Variants in ADPRHL1 observed in about 807,000 individuals in gnomAD.
ADPRHL1 encodes the protein inactive ADP-ribosyltransferase ARH2.
Under a neutral mutation model 44.1 loss-of-function variants are expected in ADPRHL1, and 43 were observed. The ratio of observed to expected loss-of-function variants is 0.98; its 90% CI spans 0.76 to 1.26. The LOEUF is 1.26. ADPRHL1 is among the 50% of genes most tolerant of loss of function. ADPRHL1 has a pLI of 0.00. For missense variants in ADPRHL1, 2,022 were observed against 2,496.9 expected (o/e 0.81, Z 4.05); for synonymous variants, 878 against 1,017.4 (o/e 0.86, Z 2.61).
intron 6 of ADPRHL1, among the ~76,000 whole-genome samples, chr13:113,423,516 T>G (rs1435097757): frequency 6.6e-6 from 1 of 152,174 alleles, no homozygotes; most frequent in East Asian, 1.9e-4. Context: ...GCCACATTTG[T>G]GTTTTCCCAG....
rs141387952 is a variant in ADPRHL1 at position 113,428,310 on chromosome 13, C to T, written c.646+642G>A. Among the ~76,000 whole-genome samples, 379 of 151,910 alleles carry T rather than the reference C, an allele frequency of 2.5e-3. 2 individuals are homozygous for T. Among genetic ancestry groups the T allele is most frequent in the African/African-American group, 8.8e-3 (365 of 41,456 alleles). On this transcript the variant is annotated intron_variant, in intron 4 of 7. Coordinates refer to ENST00000612156, the MANE Select transcript of ADPRHL1 (RefSeq NM_001394807.1). ...TTTTGAAAAATAAGCAAACCTGATC[C>T]TACATTCAAATCCTCCCTCTCCTTC... is the stretch of plus-strand genomic sequence containing the variant.
At chr13:113,436,077 T>A (rs372446576) in intron 2 of ADPRHL1, among the ~76,000 whole-genome samples, 1 of 52,722 alleles carries the variant, frequency 1.9e-5, no homozygotes, top group Non-Finnish European at 4.5e-5. Context: ...CACCCAGGTG[T>A]AGAGTGAACA....
intron 3 of ADPRHL1, among the ~76,000 whole-genome samples, chr13:113,430,539 G>A (rs570751348): frequency 3.0e-4 from 45 of 152,290 alleles, no homozygotes; most frequent in South Asian, 1.2e-3. Flanking sequence ...TACTCGTGAC[G>A]GTCAGGGTGG....
At chr13:113,418,118 T>A (rs1191753909) in intron 7 of ADPRHL1, among the ~76,000 whole-genome samples, 1 of 152,158 alleles carries the variant, frequency 6.6e-6, no homozygotes, top group East Asian at 1.9e-4. Context: ...GGTTTTCGGA[T>A]GCGTCGGGTT....
chr13:113,435,201 G>T (rs2044042500), intron 2 of ADPRHL1, among the ~76,000 whole-genome samples: 1 of 20,290 alleles, frequency 4.9e-5, no homozygotes, highest in Admixed American at 7.0e-4. Context: ...GGCGTAGAGT[G>T]AACATAGGTG....
rs2043946468 is a variant in ADPRHL1, at chr13:113,424,216, C to T, written c.907+1G>A. 8 of 1,612,682 alleles carry T rather than the reference C, an allele frequency of 5.0e-6. No individual in the cohort carries two copies. Among genetic ancestry groups the T allele is most frequent in the Non-Finnish European group, 6.8e-6 (8 of 1,179,782 alleles). ...GCCACGGCCATTAAGGAACATCTCA[C>T]CTCCATGAAACATGGCCCGGTGACA... is the stretch of plus-strand genomic sequence containing the variant. On this transcript the variant is annotated splice_donor_variant, in intron 6 of 7. Transcript: ENST00000612156. LOFTEE classifies it high-confidence loss of function.
At chr13:113,433,622 G>A (rs915538398) in intron 3 of ADPRHL1, 120 bp downstream of exon 3, 8 of 1,464,340 alleles carry the variant, frequency 5.5e-6, no homozygotes, top group East Asian at 5.1e-5. Flanking sequence ...TTAAGCAGAC[G>A]TGCAGATGGC....
intron 3 of ADPRHL1, among the ~76,000 whole-genome samples, chr13:113,431,311 G>C (rs988324301): frequency 1.3e-5 from 2 of 152,270 alleles, no homozygotes; most frequent in Admixed American, 6.5e-5. Flanking sequence ...ATGGTTGCCC[G>C]TGACACGCCA....
In ADPRHL1 at chr13:113,451,955, C is replaced by A. The variant is rs2044181786; in HGVS notation, c.214+1269G>T. On this transcript the variant is annotated intron_variant, in intron 1 of 7. Transcript: ENST00000612156. ...TGCGGGCCTGGCAGGACCAGACCCA[C>A]AGCCATGGACGCTGCCATTTACAAA... Among the ~76,000 whole-genome samples the A allele has an allele frequency of 3.3e-5, 5 of 152,330 alleles. No homozygotes were observed. In the South Asian group the frequency reaches 1.0e-3, roughly 32 times the overall value.
At chr13:113,413,965 G>A (rs147716140) in intron 7 of ADPRHL1, among the ~76,000 whole-genome samples, 4 of 152,336 alleles carry the variant, frequency 2.6e-5, no homozygotes, top group African/African-American at 2.4e-5. Context: ...AGACACACCC[G>A]GGCCCACCAT....
At chr13:113,434,196 C>A (rs1040438609) in intron 2 of ADPRHL1, among the ~76,000 whole-genome samples, 1 of 152,188 alleles carries the variant, frequency 6.6e-6, no homozygotes, top group Non-Finnish European at 1.5e-5. Flanking sequence ...CTACATACAA[C>A]AAACTAGGCA....
In ADPRHL1 at chr13:113,406,971, C is replaced by G; in HGVS notation, c.2311G>C (p.Gly771Arg). ...ARLTWPPGPPGECAGEGPEIT... is the reference protein window; with the variant it reads ...ARLTWPPGPPRECAGEGPEIT... The stretch of plus-strand genomic sequence containing the variant: ...TCAGGGCCCTCCCCTGCACACTCGC[C>G]TGGGGGCCCAGGAGGCCACGTGAGC... Residue 771 changes from glycine to arginine, a missense_variant, in exon 8 of 8, where the codon GGC becomes CGC. Gly to Arg is a moderately radical substitution (Grantham distance 125). Around this residue, in one of 8 missense-constraint regions of ADPRHL1, gnomAD observed 1,221 missense variants for 1,517.8 expected, o/e 0.80. Transcript: ENST00000612156. The G allele has an allele frequency of 8.1e-7, 1 of 1,232,266 alleles. No homozygotes were observed. The highest frequency in any genetic ancestry group is 1.0e-6 in the Non-Finnish European group (1 of 988,110). The allele number at this position is 1,232,266 out of a possible 1,614,324, so 76.3% of individuals were successfully genotyped here.
At chr13:113,425,683 T>TC (rs200635579) in intron 4 of ADPRHL1, among the ~76,000 whole-genome samples, 196 of 123,394 alleles carry the variant, frequency 1.6e-3, no homozygotes, top group African/African-American at 3.6e-3. Flanking sequence ...CTTTTTTCTT[T>TC]CTTTTTTTTT....
At chr13:113,426,018 T>C (rs148585924) in intron 4 of ADPRHL1, among the ~76,000 whole-genome samples, 1 of 152,324 alleles carries the variant, frequency 6.6e-6, no homozygotes, top group East Asian at 1.9e-4. Context: ...AAGATGGAGA[T>C]GGGGCAAAAG....
chr13:113,413,616 C>CGCGT (rs371416412), intron 7 of ADPRHL1, among the ~76,000 whole-genome samples: 7 of 152,218 alleles, frequency 4.6e-5, no homozygotes, highest in African/African-American at 1.7e-4. Flanking sequence ...GCTGAGTGAA[C>CGCGT]GCGTCCTCAT....
chr13:113,428,763 C>A (rs917105958), intron 4 of ADPRHL1, among the ~76,000 whole-genome samples, 189 bp downstream of exon 4: 3 of 152,262 alleles, frequency 2.0e-5, no homozygotes, highest in African/African-American at 4.8e-5. Context: ...CAGGTCAGGG[C>A]AGAGGCAGAC....
chr13:113,438,637 T>C (rs762321440), intron 2 of ADPRHL1, among the ~76,000 whole-genome samples: 78 of 152,258 alleles, frequency 5.1e-4, no homozygotes, highest in Non-Finnish European at 9.0e-4. Context: ...GAGGTTGCAG[T>C]GAGCCGAGAT....
At chr13:113,443,760 C>T (rs2044115158) in intron 2 of ADPRHL1, among the ~76,000 whole-genome samples, 1 of 152,098 alleles carries the variant, frequency 6.6e-6, no homozygotes, top group Non-Finnish European at 1.5e-5. Context: ...GCCTGAGCAA[C>T]ATGGTGAAAC....
intron 2 of ADPRHL1, among the ~76,000 whole-genome samples, chr13:113,435,855 G>A (rs1455724884): frequency 1.5e-4 from 10 of 67,872 alleles, no homozygotes; most frequent in South Asian, 1.1e-3. Context: ...CCCGGGACCC[G>A]GCACCCAGGT....
Sources: allele counts gnomAD v4.1 joint callset (sites outside exome capture counted in the v4.1 genomes callset), GRCh38; gene constraint gnomAD v4.1.1; regional missense constraint gnomAD v4.1.1; transcripts MANE v1.5; gene names NCBI Gene and HGNC (gene_info 2026-07-23, HGNC 2026-07-21).